CEP57: variants seen among roughly 807,000 people sequenced by gnomAD.
CEP57 encodes the protein centrosomal protein 57.
A neutral mutation model predicts 68.0 loss-of-function variants in CEP57; 40 were observed. That is an observed-to-expected ratio of 0.59 (90% confidence interval 0.46 to 0.77). The LOEUF is 0.77. CEP57 is among the 30% of genes least tolerant of loss of function. The probability of loss-of-function intolerance (pLI) is 0.00; values close to 1 mark genes in which losing one functional copy is unlikely to be tolerated. For synonymous variants in CEP57, 219 were observed against 198.7 expected, an observed-to-expected ratio of 1.10 and a Z score of -0.86; for missense variants, 606 against 580.7, an observed-to-expected ratio of 1.04 and a Z score of -0.45.
intron 1 of CEP57, 132 bp from the exon 2 acceptor site, chr11:95,799,100 G>A: frequency 1.2e-6 from 1 of 839,396 alleles, no homozygotes; most frequent in Non-Finnish European, 2.0e-6. Context: ...TGATTGAATT[G>A]TATTGTTTCT....
chr11:95,809,838 A>G (rs1861974025), intron 2 of CEP57, among the ~76,000 whole-genome samples: 1 of 152,184 alleles, frequency 6.6e-6, no homozygotes, highest in Non-Finnish European at 1.5e-5. Flanking sequence ...TAATCCTCCC[A>G]AACTCATTTT....
At chr11:95,808,922 C>T (rs1446316801) in intron 2 of CEP57, among the ~76,000 whole-genome samples, 1 of 152,236 alleles carries the variant, frequency 6.6e-6, no homozygotes, top group Non-Finnish European at 1.5e-5. Context: ...CACCACATCA[C>T]ACTTATTCCA....
In CEP57 at chr11:95,827,775, TCTTC is replaced by T. The variant is rs756834647; in HGVS notation, c.886-7_886-4del. On this transcript the variant is annotated splice_region_variant and splice_polypyrimidine_tract_variant and intron_variant, in intron 8 of 10. Transcript: ENST00000325542. ...CTTCAATTACTTCTTTCATCATTTT[TCTTC>T]CTTTAGTCCACAAGCCCTAGCCATG... 2 of 1,613,790 alleles carry T rather than the reference TCTTC, an allele frequency of 1.2e-6. No homozygotes were observed. Among genetic ancestry groups the T allele is most frequent in the African/African-American group, 2.7e-5 (2 of 74,936 alleles).
chr11:95,830,818 T>G (rs1862967104), intron 10 of CEP57, among the ~76,000 whole-genome samples: 1 of 151,498 alleles, frequency 6.6e-6, no homozygotes, highest in South Asian at 2.1e-4. Context: ...TATATATATA[T>G]AAGCATATAT....
chr11:95,806,727 C>G (rs11021324), intron 2 of CEP57, among the ~76,000 whole-genome samples: 1 of 152,188 alleles, frequency 6.6e-6, no homozygotes, highest in Non-Finnish European at 1.5e-5. Flanking sequence ...TCTGGAAGCT[C>G]AAACTGGGTG....
At chr11:95,791,830 T>G (rs1425643257) in intron 1 of CEP57, among the ~76,000 whole-genome samples, 1 of 152,086 alleles carries the variant, frequency 6.6e-6, no homozygotes, top group Non-Finnish European at 1.5e-5. Flanking sequence ...AGTAGGTGCT[T>G]TTAGGAAACT....
intron 8 of CEP57, chr11:95,827,426 A>G (rs912970624): frequency 1.2e-5 from 3 of 256,700 alleles, no homozygotes; most frequent in Admixed American, 5.1e-5. Context: ...TAAAAATAAT[A>G]TATTTGAACT....
intron 6 of CEP57, 148 bp from the exon 7 acceptor site, chr11:95,821,723 T>C (rs1264360265): frequency 3.2e-6 from 2 of 624,762 alleles, no homozygotes; most frequent in Non-Finnish European, 5.8e-6. Flanking sequence ...CGTTGATAGA[T>C]TGGTTCAAGA....
Position 95,790,752 on chromosome 11 carries a change from C to G in CEP57, c.45+9C>G. The G allele has an allele frequency of 6.2e-7, 1 of 1,613,958 alleles. No individual in the cohort carries two copies. Among genetic ancestry groups the G allele is most frequent in the Non-Finnish European group, 8.5e-7 (1 of 1,179,950 alleles). ...CTGGTTCTCACTTGTCGGTAAGAAG[C>G]AGTTGGCGCGAGTGGGCCCCACGTC... is the stretch of plus-strand genomic sequence containing the variant. On this transcript the variant is annotated intron_variant, in intron 1 of 10. Coordinates refer to ENST00000325542, the MANE Select transcript of CEP57 (RefSeq NM_014679.5).
intron 2 of CEP57, among the ~76,000 whole-genome samples, chr11:95,806,024 C>G (rs942946201): frequency 1.3e-5 from 2 of 151,994 alleles, no homozygotes; most frequent in African/African-American, 4.8e-5. Flanking sequence ...AGAAAGAAAA[C>G]ATGATGGGAG....
Position 95,790,690 on chromosome 11 carries a change from G to A in CEP57, c.-9G>A, listed in dbSNP as rs774503655. The A allele has an allele frequency of 7.4e-6, 12 of 1,613,750 alleles. No homozygotes were observed. Among genetic ancestry groups the A allele is most frequent in the Non-Finnish European group, 1.0e-5 (12 of 1,179,936 alleles). Reference sequence around the variant, plus strand: ...CCGAAGTGCGGAGACCCCCTGGGCAGGCTGAAAGATGGCGGCGGCGTCTGT... The same window carrying A: ...CCGAAGTGCGGAGACCCCCTGGGCAAGCTGAAAGATGGCGGCGGCGTCTGT... On this transcript the variant is annotated 5_prime_UTR_variant, in exon 1 of 11. Transcript: ENST00000325542.
At chr11:95,792,972 C>A (rs1027910561) in intron 1 of CEP57, among the ~76,000 whole-genome samples, 7 of 151,884 alleles carry the variant, frequency 4.6e-5, no homozygotes, top group Admixed American at 1.3e-4. Flanking sequence ...GAACACAACT[C>A]GTATTCAGAT....
intron 8 of CEP57, among the ~76,000 whole-genome samples, chr11:95,824,746 C>T (rs944255841): frequency 2.0e-5 from 3 of 152,114 alleles, no homozygotes; most frequent in African/African-American, 2.4e-5. Flanking sequence ...AAAGAGGAGA[C>T]GGGCTAAATC....
chr11:95,822,515 A>G lies in CEP57; in HGVS notation c.824A>G (p.Tyr275Cys), dbSNP rs759400733. 11 of 1,613,406 alleles carry G rather than the reference A, an allele frequency of 6.8e-6. No homozygotes were observed. Among genetic ancestry groups the G allele is most frequent in the Admixed American group, 5.0e-5 (3 of 60,016 alleles). Residue 275 changes from tyrosine to cysteine, a missense_variant, in exon 8 of 11, where the codon TAT becomes TGT. Physicochemically the swap from Tyr to Cys is radical, Grantham distance 194. Coordinates refer to ENST00000325542, the MANE Select transcript of CEP57 (RefSeq NM_014679.5). ...KPPEKKSSRN[Y>C]FGAQPHYRLC... ...TTCATTCAGAAAAGTTCTAGGAACT[A>G]TTTTGGTGCACAACCACATTATAGA...
intron 3 of CEP57, 120 bp from the exon 4 acceptor site, chr11:95,813,348 C>A: frequency 8.1e-7 from 1 of 1,228,352 alleles, no homozygotes; most frequent in Non-Finnish European, 1.1e-6. Context: ...TCTGAAAAGG[C>A]GTCCAGGTCT....
At chr11:95,821,493 G>A (rs1452804089) in intron 6 of CEP57, among the ~76,000 whole-genome samples, 5 of 151,956 alleles carry the variant, frequency 3.3e-5, no homozygotes, top group African/African-American at 7.3e-5. Flanking sequence ...TCTGCTCTTC[G>A]GCTGTTTTGT....
At chr11:95,800,053 C>A (rs371851854) in intron 2 of CEP57, among the ~76,000 whole-genome samples, 1 of 152,160 alleles carries the variant, frequency 6.6e-6, no homozygotes. Context: ...TAACAAATTG[C>A]CATGAACTTA....
intron 1 of CEP57, among the ~76,000 whole-genome samples, chr11:95,791,000 C>T (rs145391913): frequency 8.9e-4 from 135 of 152,340 alleles, no homozygotes; most frequent in African/African-American, 3.0e-3. Flanking sequence ...CAACCAACCC[C>T]GGTTGCCTAA....
At position 95,790,879 on chromosome 11, in the gene CEP57, G is replaced by A; in HGVS notation, c.45+136G>A. ...GGCGGGAATGCCTAGATTGCCCCGC[G>A]CTCCCCAAGCTTCCATTCACTGTGG... On this transcript the variant is annotated intron_variant, in intron 1 of 10. Transcript: ENST00000325542. 4 of 1,005,196 alleles carry A rather than the reference G, an allele frequency of 4.0e-6. No homozygotes were observed. The South Asian group carries it at 5.5e-5, about 14-fold the overall frequency. 62.3% of individuals were successfully genotyped at this position (1,005,196 alleles called of 1,614,324 possible). A position where few individuals can be genotyped will look rare whatever the true frequency, so the allele number is the denominator to read the frequency against.
Sources: allele counts gnomAD v4.1 joint callset (sites outside exome capture counted in the v4.1 genomes callset), GRCh38; gene constraint gnomAD v4.1.1; transcripts MANE v1.5; gene names NCBI Gene and HGNC (gene_info 2026-07-23, HGNC 2026-07-21).